Variants in DKK3 observed in about 807,000 individuals in gnomAD.
DKK3 encodes the protein dickkopf Wnt signaling pathway inhibitor 3, also known as dickkopf-related protein 3.
DKK3 carries 22 observed loss-of-function variants against 33.2 expected under a neutral mutation model. The ratio of observed to expected loss-of-function variants is 0.66; its 90% confidence interval spans 0.47 to 0.95. DKK3 has a LOEUF of 0.95. DKK3 is among the 40% of genes least tolerant of loss of function. DKK3 has a pLI of 0.00. For missense variants in DKK3, 398 were observed against 458.4 expected, an observed-to-expected ratio of 0.87 and a Z score of 1.20; for synonymous variants, 194 against 188.8, an observed-to-expected ratio of 1.03 and a Z score of -0.23.
chr11:11,964,824 C>A, intron 6 of DKK3, 138 bp from the exon 7 acceptor site: 1 of 1,451,724 alleles, frequency 6.9e-7, no homozygotes. Flanking sequence ...AGAGACACTT[C>A]ACTTCCCGTC....
At chr11:11,997,591 G>C (rs940434286) in intron 3 of DKK3, among the ~76,000 whole-genome samples, 2 of 152,136 alleles carry the variant, frequency 1.3e-5, no homozygotes, top group African/African-American at 2.4e-5. Flanking sequence ...GCCCTAGCTG[G>C]TAGGTGACAA....
intron 3 of DKK3, among the ~76,000 whole-genome samples, chr11:11,969,808 C>G (rs1039623451): frequency 7.2e-5 from 11 of 152,222 alleles, no homozygotes; most frequent in Non-Finnish European, 1.2e-4. Context: ...GCTGGCGGCC[C>G]AGCAACCAGG....
At chr11:12,009,031 G>C (rs1476977624), upstream of DKK3, 2 of 989,712 alleles carry the variant, frequency 2.0e-6, no homozygotes, top group Non-Finnish European at 2.4e-6. Context: ...GCCTCTCTCA[G>C]CCCCTACCTG....
chr11:11,982,926 T>C (rs1218937893), intron 3 of DKK3, among the ~76,000 whole-genome samples: 1 of 152,208 alleles, frequency 6.6e-6, no homozygotes, highest in African/African-American at 2.4e-5. Flanking sequence ...ACGGGATTGG[T>C]TGTGCTATTC....
At chr11:12,004,111 TG>T (rs1204201011) in intron 1 of DKK3, among the ~76,000 whole-genome samples, 1 of 152,224 alleles carries the variant, frequency 6.6e-6, no homozygotes, top group African/African-American at 2.4e-5. Flanking sequence ...CCTTGAATAT[TG>T]ACAGCAACCT....
At chr11:12,006,772 C>G (rs952644014) in intron 1 of DKK3, among the ~76,000 whole-genome samples, 1 of 152,194 alleles carries the variant, frequency 6.6e-6, no homozygotes, top group African/African-American at 2.4e-5. Flanking sequence ...CAGAAGCTAA[C>G]GTCAGAGGAC....
rs185027615 is a variant in DKK3 at position 11,963,489 on chromosome 11, C to G, written c.*975G>C. The stretch of plus-strand genomic sequence containing the variant: ...CTCAGTCATATACCTTTCAAAGTTA[C>G]TAATGCAACTGCCAAAGAGGGACAG... On this transcript the variant is annotated 3_prime_UTR_variant, in exon 7 of 7. Coordinates refer to ENST00000683431, the MANE Select transcript of DKK3 (RefSeq NM_001018057.2). 17 of 152,326 alleles carry G rather than the reference C, an allele frequency of 1.1e-4. No homozygotes were observed. The highest frequency in any genetic ancestry group is 3.8e-4 in the African/African-American group (16 of 41,566). The allele number at this position is 152,326 out of a possible 1,614,324, so 9.4% of individuals were successfully genotyped here. A position where few individuals can be genotyped will look rare whatever the true frequency, so the allele number is the denominator to read the frequency against.
chr11:11,997,276 G>A (rs1195962209), intron 3 of DKK3, among the ~76,000 whole-genome samples: 1 of 152,068 alleles, frequency 6.6e-6, no homozygotes, highest in African/African-American at 2.4e-5. Context: ...TCACAACCCT[G>A]TGAGTTCTGC....
At chr11:12,004,466 G>A (rs888788374) in intron 1 of DKK3, among the ~76,000 whole-genome samples, 6 of 152,220 alleles carry the variant, frequency 3.9e-5, no homozygotes, top group African/African-American at 2.4e-5. Flanking sequence ...CTCTAAGTAA[G>A]TCTAGAAGGA....
chr11:11,976,741 A>T (rs1446731574), intron 3 of DKK3, among the ~76,000 whole-genome samples: 2 of 152,198 alleles, frequency 1.3e-5, no homozygotes, highest in African/African-American at 4.8e-5. Context: ...TGACTGGAGG[A>T]TTAGCAACAG....
chr11:12,005,328 A>C (rs1207901041), intron 1 of DKK3, among the ~76,000 whole-genome samples: 1 of 152,250 alleles, frequency 6.6e-6, no homozygotes, highest in African/African-American at 2.4e-5. Flanking sequence ...CACTAGCAAG[A>C]GAAACTTAAG....
intron 3 of DKK3, among the ~76,000 whole-genome samples, chr11:11,997,653 T>C (rs966937744): frequency 2.0e-5 from 3 of 151,984 alleles, no homozygotes; most frequent in African/African-American, 7.3e-5. Context: ...CACTGCACAG[T>C]TCCTCCCCCC....
chr11:12,009,344 G>T, upstream of DKK3: 1 of 902,976 alleles, frequency 1.1e-6, no homozygotes, highest in Non-Finnish European at 1.3e-6. Context: ...GACGCGCCCC[G>T]CCCGCCCACC....
At position 11,964,660 on chromosome 11, in the gene DKK3, G is replaced by A. The variant is rs755778952; in HGVS notation, c.857C>T (p.Pro286Leu). 6.8e-6 allele frequency: 11 copies of A among 1,613,882 alleles called. No homozygotes were observed. Among genetic ancestry groups the A allele is most frequent in the African/African-American group, 4.0e-5 (3 of 74,914 alleles). The change falls in exon 7 of 7, where the codon CCG becomes CTG. Residue 286 changes from proline (P) to leucine (L), a missense_variant. Physicochemically the swap from Pro to Leu is moderately conservative, Grantham distance 98. Transcript: ENST00000683431. The part of the protein sequence containing the change: ...HSHSLVYVCK[P>L]TFVGSRDQDG... ...TTGGTCACGGCTCCCCACGAAGGTC[G>A]GCTTGCACACATACACCAGGCTGTG... is the stretch of plus-strand genomic sequence containing the variant.
chr11:12,008,031 T>C lies in DKK3; in HGVS notation c.213+339A>G, dbSNP rs986705477. Among the ~76,000 whole-genome samples the C allele has an allele frequency of 6.6e-6, 1 of 152,196 alleles. No homozygotes were observed. The highest frequency in any genetic ancestry group is 1.9e-4 in the East Asian group (1 of 5,180). On this transcript the variant is annotated intron_variant, in intron 1 of 6. Transcript: ENST00000683431. The surrounding 1 kb of genome is among the most constrained non-coding windows in gnomAD (Gnocchi z 4.6). ...TTTCTGTGAAACCACAGTGCTGGAA[T>C]ACCAGGGGCCCTGCAAACCTCTGCT...
chr11:12,005,277 G>T (rs1296611740), intron 1 of DKK3, among the ~76,000 whole-genome samples: 1 of 152,170 alleles, frequency 6.6e-6, no homozygotes, highest in Non-Finnish European at 1.5e-5. Context: ...TGAACTAAAA[G>T]TATAGTTTAC....
rs558590690 is a variant in DKK3, at chr11:11,969,648, G to A, written c.436-1161C>T. On this transcript the variant is annotated intron_variant, in intron 3 of 6. Transcript: ENST00000683431. ...AAGGGTCTTGAGGAAGGGAAGGACC[G>A]GCTCTCCCCTCTGACCCAGAGCATC... 5.7e-4 allele frequency among the ~76,000 whole-genome samples: 81 copies of A among 143,096 alleles called. 1 individual carries two copies. Among genetic ancestry groups the A allele is most frequent in the African/African-American group, 1.9e-3 (75 of 38,706 alleles). The allele number at this position is 143,096 out of a possible 152,430, so 93.9% of individuals were successfully genotyped here.
intron 3 of DKK3, among the ~76,000 whole-genome samples, chr11:11,973,543 C>T (rs1847769160): frequency 6.6e-6 from 1 of 152,218 alleles, no homozygotes; most frequent in East Asian, 1.9e-4. Flanking sequence ...CCCCACTCCT[C>T]CCTCCCATCC....
intron 6 of DKK3, 52 bp downstream of exon 6, chr11:11,965,757 T>A: frequency 6.3e-7 from 1 of 1,588,826 alleles, no homozygotes; most frequent in Non-Finnish European, 8.6e-7. Flanking sequence ...CCCTGCTGGA[T>A]GGCACCTCCT....
Sources: allele counts gnomAD v4.1 joint callset (sites outside exome capture counted in the v4.1 genomes callset), GRCh38; gene constraint gnomAD v4.1.1; non-coding constraint Gnocchi (gnomAD v3.1); transcripts MANE v1.5; gene names NCBI Gene and HGNC (gene_info 2026-07-23, HGNC 2026-07-21).